RRBP1: variants seen among roughly 807,000 people sequenced by gnomAD.
The protein encoded by RRBP1 is ribosome binding protein 1.
RRBP1 carries 94 observed loss-of-function variants against 165.2 expected under a neutral mutation model. The ratio of observed to expected loss-of-function variants is 0.57; its 90% confidence interval spans 0.48 to 0.68. The LOEUF (loss-of-function observed/expected upper bound fraction) is 0.68. Among genes scored for constraint, RRBP1 ranks in the 30% least tolerant of loss-of-function variants. The pLI, the probability that RRBP1 is intolerant of heterozygous loss-of-function variation, is 0.00. For synonymous variants in RRBP1, 680 were observed against 714.5 expected, an observed-to-expected ratio of 0.95 and a Z score of 0.77; for missense variants, 1,676 against 1,763.0, an observed-to-expected ratio of 0.95 and a Z score of 0.88.
intron 24 of RRBP1, 50 bp downstream of exon 24, chr20:17,614,687 G>A (rs766178651): frequency 1.8e-5 from 29 of 1,600,854 alleles, no homozygotes; most frequent in African/African-American, 1.1e-4. Flanking sequence ...CCTCCCCGGG[G>A]CTCCCGGCAG....
chr20:17,636,557 C>G lies in RRBP1; in HGVS notation c.2337+20G>C, dbSNP rs370762734. ...CTGGGTCCTGTCCCTTCCCATGCCC[C>G]CGCCAGCCACTACACCCACCTTGCC... On this transcript the variant is annotated intron_variant, in intron 6 of 24. Transcript: ENST00000377813. 3.5e-5 allele frequency: 56 copies of G among 1,607,646 alleles called. No individual in the cohort carries two copies. The African/African-American group carries it at 6.9e-4, about 20-fold the overall frequency.
chr20:17,636,275 C>T (rs1329424876), intron 6 of RRBP1, among the ~76,000 whole-genome samples: 4 of 152,382 alleles, frequency 2.6e-5, no homozygotes, highest in Middle Eastern at 3.4e-3. Context: ...ACTTCACAGA[C>T]ACCCAGGAGG....
chr20:17,660,766 A>G (rs761271944), intron 2 of RRBP1, among the ~76,000 whole-genome samples: 2 of 152,230 alleles, frequency 1.3e-5, no homozygotes, highest in Non-Finnish European at 2.9e-5. Flanking sequence ...GCAGAGTCAG[A>G]GCAGAGTGGA....
intron 13 of RRBP1, among the ~76,000 whole-genome samples, chr20:17,623,791 G>A (rs2035959267): frequency 6.6e-6 from 1 of 152,156 alleles, no homozygotes; most frequent in African/African-American, 2.4e-5. Flanking sequence ...ACTTAGCCGG[G>A]CGTGGTGGTG....
At chr20:17,652,434 A>G (rs1357750568) in intron 3 of RRBP1, among the ~76,000 whole-genome samples, 2 of 152,144 alleles carry the variant, frequency 1.3e-5, no homozygotes, top group African/African-American at 4.8e-5. Flanking sequence ...TGCCCAAGTC[A>G]AGGCCTCCTG....
chr20:17,636,045 G>A (rs1428565664), intron 6 of RRBP1, among the ~76,000 whole-genome samples: 1 of 152,242 alleles, frequency 6.6e-6, no homozygotes, highest in Admixed American at 6.5e-5. Context: ...CCTGCCCTCT[G>A]ACCTCCAGCA....
chr20:17,636,197 G>A (rs1165372281), intron 6 of RRBP1, among the ~76,000 whole-genome samples: 1 of 152,212 alleles, frequency 6.6e-6, no homozygotes, highest in Non-Finnish European at 1.5e-5. Flanking sequence ...TTGGTATTAT[G>A]GGATCCTCCC....
chr20:17,616,352 C>T (rs1019741083), intron 21 of RRBP1, among the ~76,000 whole-genome samples: 2 of 152,184 alleles, frequency 1.3e-5, no homozygotes, highest in African/African-American at 4.8e-5. Context: ...TGGCTATTGC[C>T]GGGCTCAAAA....
At chr20:17,628,776 A>G (rs533522810) in intron 9 of RRBP1, among the ~76,000 whole-genome samples, 9 of 152,186 alleles carry the variant, frequency 5.9e-5, no homozygotes, top group Non-Finnish European at 1.3e-4. Flanking sequence ...ACGCAATCTA[A>G]AGCCATGCCC....
At chr20:17,664,860 G>T (rs1477807835) in intron 2 of RRBP1, among the ~76,000 whole-genome samples, 2 of 152,160 alleles carry the variant, frequency 1.3e-5, no homozygotes, top group Non-Finnish European at 2.9e-5. Context: ...GGCATAAGGT[G>T]ACCTGCTAGG....
At chr20:17,624,466 T>G (rs13044147) in intron 13 of RRBP1, 110 bp downstream of exon 13, 39,919 of 735,636 alleles carry the variant, frequency 0.054, 1,452 homozygotes, top group African/African-American at 0.15. Flanking sequence ...TCCTAGTGCA[T>G]CTGTGCGTCC....
chr20:17,642,939 C>T, intron 4 of RRBP1, 40 bp downstream of exon 4: 2 of 1,602,268 alleles, frequency 1.2e-6, no homozygotes, highest in Non-Finnish European at 1.7e-6. Context: ...TAGCCAGCTG[C>T]AGTGGCCTCT....
chr20:17,625,430 G>A (rs538097797), intron 12 of RRBP1, 82 bp downstream of exon 12: 27 of 1,193,048 alleles, frequency 2.3e-5, no homozygotes, highest in African/African-American at 1.2e-4. Context: ...AGTCCAGGGC[G>A]GGTGCCACAT....
At position 17,619,648 on chromosome 20, in the gene RRBP1, G is replaced by A. The variant is rs1184491870; in HGVS notation, c.3660C>T (p.Ala1220=). ...GCAGACTCACCCCTGCCACCTCCTT[G>A]GCGTAGTTCTGGCACTCGGCGCTGG... ...AAASAECQNY[A]KEVAGLRQLL... Residue 1220 remains alanine (A), a synonymous_variant, in exon 19 of 25, where the codon GCC becomes GCT. Transcript: ENST00000377813. 6.2e-7 allele frequency: 1 copy of A among 1,612,148 alleles called. No individual in the cohort carries two copies. The highest frequency in any genetic ancestry group is 8.5e-7 in the Non-Finnish European group (1 of 1,179,384).
At chr20:17,661,829 T>C (rs756289620) in intron 2 of RRBP1, among the ~76,000 whole-genome samples, 17 of 152,032 alleles carry the variant, frequency 1.1e-4, no homozygotes, top group African/African-American at 1.9e-4. Flanking sequence ...TCCTAAGACA[T>C]TGAGATCCCC....
intron 2 of RRBP1, among the ~76,000 whole-genome samples, chr20:17,666,246 T>C (rs1017357576): frequency 1.3e-5 from 2 of 152,102 alleles, no homozygotes; most frequent in African/African-American, 2.4e-5. Context: ...GTGGTTCGTG[T>C]CTGTAGTCCA....
intron 5 of RRBP1, among the ~76,000 whole-genome samples, chr20:17,639,691 C>T (rs1359003468): frequency 6.6e-6 from 1 of 152,068 alleles, no homozygotes; most frequent in African/African-American, 2.4e-5. Flanking sequence ...GTCGGGAGTT[C>T]GAGACCAGCC....
intron 2 of RRBP1, among the ~76,000 whole-genome samples, chr20:17,676,420 A>T (rs139780034): frequency 7.0e-4 from 107 of 152,134 alleles, no homozygotes; most frequent in Non-Finnish European, 1.2e-3. Context: ...AGGAGGGAGA[A>T]AACTGAAGCC....
At chr20:17,650,326 T>C (rs1381352843) in intron 3 of RRBP1, among the ~76,000 whole-genome samples, 1 of 152,160 alleles carries the variant, frequency 6.6e-6, no homozygotes, top group Non-Finnish European at 1.5e-5. Context: ...TTCTGAGTGT[T>C]TGCCACCTCA....
Sources: gnomAD v4.1 joint callset for allele counts (sites outside exome capture counted in the v4.1 genomes callset) on GRCh38, gnomAD v4.1.1 for gene constraint, MANE v1.5 for transcripts, NCBI Gene and HGNC (gene_info 2026-07-23, HGNC 2026-07-21) for gene names.